TNR: variants seen among roughly 807,000 people sequenced by gnomAD.
The protein encoded by TNR is tenascin-R.
A neutral mutation model predicts 150.4 loss-of-function variants in TNR; 45 were observed. The ratio of observed to expected loss-of-function variants is 0.30; its 90% confidence interval spans 0.24 to 0.38. The LOEUF (loss-of-function observed/expected upper bound fraction) is 0.38. TNR is among the 10% of genes least tolerant of loss of function. TNR has a pLI of 1.00. For missense variants in TNR, 1,544 were observed against 1,759.1 expected (o/e 0.88, Z 2.19); for synonymous variants, 687 against 678.4 (o/e 1.01, Z -0.20).
intron 1 of TNR, among the ~76,000 whole-genome samples, chr1:175,732,997 A>T (rs1180910402): frequency 6.6e-6 from 1 of 152,194 alleles, no homozygotes. Flanking sequence ...AACATCCCCA[A>T]ATCAGATCTC....
intron 1 of TNR, among the ~76,000 whole-genome samples, chr1:175,657,415 A>T (rs1665211717): frequency 6.6e-6 from 1 of 152,204 alleles, no homozygotes; most frequent in Non-Finnish European, 1.5e-5. Context: ...CCATCCCATT[A>T]CTGGGTATAT....
intron 1 of TNR, among the ~76,000 whole-genome samples, chr1:175,683,305 C>T (rs944624086): frequency 3.3e-5 from 5 of 152,164 alleles, no homozygotes; most frequent in African/African-American, 9.7e-5. Context: ...CTAGAAAAAT[C>T]ATATTTTTCT....
intron 1 of TNR, among the ~76,000 whole-genome samples, chr1:175,627,074 G>A (rs934043511): frequency 6.6e-6 from 1 of 152,200 alleles, no homozygotes; most frequent in African/African-American, 2.4e-5. Flanking sequence ...AGAACTCTGA[G>A]AACATAAAAT....
chr1:175,657,883 A>ATATATATATATATATATATATGTG lies in TNR; in HGVS notation c.-165+85342_-165+85343insCACATATATATATATATATATATA, dbSNP rs1464419575. 6.7e-4 allele frequency among the ~76,000 whole-genome samples: 68 copies of ATATATATATATATATATATATGTG among 101,108 alleles called. 2 individuals are homozygous for ATATATATATATATATATATATGTG. The highest frequency in any genetic ancestry group is 1.4e-3 in the Admixed American group (13 of 9,422). The allele number at this position is 101,108 out of a possible 152,430, so 66.3% of individuals were successfully genotyped here. On this transcript the variant is annotated intron_variant, in intron 1 of 22. Coordinates refer to ENST00000367674, the MANE Select transcript of TNR (RefSeq NM_003285.3). ...TATATATATATATATATATATATAT[A>ATATATATATATATATATATATGTG]TGTAACAAACCTGCACGTTGTGCAC...
In TNR at chr1:175,406,481, G is replaced by C. The variant is rs765777919; in HGVS notation, c.234C>G (p.Leu78=). ...CAGAGGCCTCTAGCCCTGAGGAGCA[G>C]AGGTTGTCCAAGGGCACGTTAATGT... The part of the protein sequence containing the change: ...VYNINVPLDN[L]CSSGLEASAE... Residue 78 remains leucine (L), a synonymous_variant, in exon 3 of 23, where the codon CTC becomes CTG. Transcript: ENST00000367674. The C allele has an allele frequency of 8.1e-6, 13 of 1,614,212 alleles. No individual in the cohort carries two copies. In the South Asian group the frequency reaches 1.4e-4, roughly 18 times the overall value.
chr1:175,479,680 G>C (rs1657694479), intron 2 of TNR, among the ~76,000 whole-genome samples: 1 of 152,040 alleles, frequency 6.6e-6, no homozygotes, highest in Non-Finnish European at 1.5e-5. Context: ...AGCACTGCTT[G>C]GCTACTCACT....
chr1:175,576,713 T>C (rs1662124234), intron 1 of TNR, among the ~76,000 whole-genome samples: 1 of 152,224 alleles, frequency 6.6e-6, no homozygotes, highest in Non-Finnish European at 1.5e-5. Context: ...AGAATATCTG[T>C]ATACATCCTA....
At position 175,431,263 on chromosome 1, in the gene TNR, T is replaced by C. The variant is rs143232361; in HGVS notation, c.-63-24486A>G. On this transcript the variant is annotated intron_variant, in intron 2 of 22. Transcript: ENST00000367674. ...TTCCTTGGAAGTTTTAAAATATAAA[T>C]TTGTTATGAAAAGTATTTAAGTTTT... Among the ~76,000 whole-genome samples the C allele has an allele frequency of 2.7e-3, 406 of 152,352 alleles. 1 individual carries two copies. The highest frequency in any genetic ancestry group is 0.01 in the Middle Eastern group (3 of 294).
intron 2 of TNR, among the ~76,000 whole-genome samples, chr1:175,477,382 C>T (rs1326453390): frequency 6.6e-6 from 1 of 152,098 alleles, no homozygotes; most frequent in Non-Finnish European, 1.5e-5. Context: ...GAAGAGCTTC[C>T]TTCCTATAAC....
intron 1 of TNR, among the ~76,000 whole-genome samples, chr1:175,717,575 T>A (rs1450567709): frequency 6.6e-6 from 1 of 152,240 alleles, no homozygotes; most frequent in African/African-American, 2.4e-5. Flanking sequence ...AATATATCTA[T>A]ATTTTTATCT....
chr1:175,667,913 G>A (rs903107224), intron 1 of TNR, among the ~76,000 whole-genome samples: 6 of 152,310 alleles, frequency 3.9e-5, no homozygotes, highest in Non-Finnish European at 8.8e-5. Context: ...CAGCCAAAGA[G>A]ACACAATCTA....
At chr1:175,613,968 C>A (rs1663684500) in intron 1 of TNR, among the ~76,000 whole-genome samples, 1 of 152,166 alleles carries the variant, frequency 6.6e-6, no homozygotes, top group South Asian at 2.1e-4. Flanking sequence ...CCTAGCCCAG[C>A]CATTTACTAG....
chr1:175,580,190 T>C (rs1267446619), intron 1 of TNR, among the ~76,000 whole-genome samples: 2 of 152,200 alleles, frequency 1.3e-5, no homozygotes, highest in African/African-American at 4.8e-5. Flanking sequence ...TTGACAATTC[T>C]GTCTTGCGTG....
chr1:175,733,559 G>GA (rs892608559), intron 1 of TNR, among the ~76,000 whole-genome samples: 4 of 151,886 alleles, frequency 2.6e-5, no homozygotes, highest in African/African-American at 7.2e-5. Flanking sequence ...AAACACAAAC[G>GA]AAAAAAAGGG....
At chr1:175,649,658 C>T (rs945175749) in intron 1 of TNR, among the ~76,000 whole-genome samples, 1 of 152,164 alleles carries the variant, frequency 6.6e-6, no homozygotes, top group African/African-American at 2.4e-5. Context: ...AGCCCGGCCC[C>T]CGGTTCCATG....
intron 2 of TNR, among the ~76,000 whole-genome samples, chr1:175,476,400 T>C (rs576375230): frequency 6.6e-6 from 1 of 152,206 alleles, no homozygotes; most frequent in South Asian, 2.1e-4. Flanking sequence ...ATTTTGCTTT[T>C]GGGAGGAACT....
At chr1:175,362,149 C>G (rs1452265992) in intron 14 of TNR, among the ~76,000 whole-genome samples, 2 of 152,204 alleles carry the variant, frequency 1.3e-5, no homozygotes, top group African/African-American at 4.8e-5. Flanking sequence ...ACATCACCTT[C>G]ACTGCTTTGG....
At chr1:175,450,187 G>A (rs988695320) in intron 2 of TNR, among the ~76,000 whole-genome samples, 1 of 152,096 alleles carries the variant, frequency 6.6e-6, no homozygotes, top group African/African-American at 2.4e-5. Context: ...TTCCTTACCT[G>A]GCACTATGGG....
chr1:175,668,652 T>C (rs193279281), intron 1 of TNR, among the ~76,000 whole-genome samples: 215 of 152,306 alleles, frequency 1.4e-3, no homozygotes, highest in African/African-American at 4.9e-3. Context: ...ACAGCTGTAA[T>C]GAGCATAAGA....
Sources: gnomAD v4.1 joint callset for allele counts (sites outside exome capture counted in the v4.1 genomes callset) on GRCh38, gnomAD v4.1.1 for gene constraint, MANE v1.5 for transcripts, NCBI Gene and HGNC (gene_info 2026-07-23, HGNC 2026-07-21) for gene names.